The following SORCS3 variants were observed in gnomAD, a reference collection of about 807,000 sequenced individuals.
SORCS3 encodes the protein VPS10 domain-containing receptor SorCS3.
A neutral mutation model predicts 146.3 loss-of-function variants in SORCS3; 57 were observed. The ratio of observed to expected loss-of-function variants is 0.39; its 90% CI spans 0.31 to 0.49. The LOEUF (loss-of-function observed/expected upper bound fraction) is 0.49, where lower values mean the gene tolerates loss of function less well. Among genes scored for constraint, SORCS3 ranks in the 20% least tolerant of loss-of-function variants. SORCS3 has a pLI of 0.92. For missense variants in SORCS3, 1,341 were observed against 1,575.5 expected (o/e 0.85, Z 2.52); for synonymous variants, 653 against 618.5 (o/e 1.06, Z -0.83).
At chr10:105,222,762 G>A (rs2119669956) in intron 19 of SORCS3, among the ~76,000 whole-genome samples, 1 of 152,302 alleles carries the variant, frequency 6.6e-6, no homozygotes, top group Middle Eastern at 3.4e-3. Flanking sequence ...TCACAATACA[G>A]GCTAATCATC....
intron 1 of SORCS3, among the ~76,000 whole-genome samples, chr10:104,764,976 GA>G (rs2017162817): frequency 6.6e-6 from 1 of 152,168 alleles, no homozygotes; most frequent in Non-Finnish European, 1.5e-5. Context: ...TGCTGTGATG[GA>G]TCAGTGATGT....
At chr10:104,952,831 G>T (rs1420107553) in intron 3 of SORCS3, among the ~76,000 whole-genome samples, 1 of 152,186 alleles carries the variant, frequency 6.6e-6, no homozygotes, top group African/African-American at 2.4e-5. Context: ...AATGGGAATT[G>T]TTGCCCATTA....
intron 20 of SORCS3, among the ~76,000 whole-genome samples, chr10:105,243,526 T>C (rs957969071): frequency 3.3e-5 from 5 of 152,184 alleles, no homozygotes; most frequent in East Asian, 3.9e-4. Context: ...TTGGATTTTA[T>C]ATGCATGTCA....
rs575474514 is a variant in SORCS3 at position 105,019,843 on chromosome 10, GAATA to G, written c.955-23205_955-23202del. On this transcript the variant is annotated intron_variant, in intron 4 of 26. Transcript: ENST00000369701. Reference sequence around the variant, plus strand: ...GCATTTGTTAAATGAGTGAATAAGTGAATAAATAAAGAAAATGTAATTATTGCTG... The same window carrying G: ...GCATTTGTTAAATGAGTGAATAAGTGAATAAAGAAAATGTAATTATTGCTG... 2.6e-3 allele frequency among the ~76,000 whole-genome samples: 391 copies of G among 152,252 alleles called. 3 individuals are homozygous for G. The highest frequency in any genetic ancestry group is 8.8e-3 in the African/African-American group (365 of 41,534).
At chr10:104,975,678 A>T (rs2054892257) in intron 3 of SORCS3, among the ~76,000 whole-genome samples, 2 of 152,242 alleles carry the variant, frequency 1.3e-5, no homozygotes, top group African/African-American at 4.8e-5. Context: ...AGGCTACAGT[A>T]ACCAAAACAA....
At chr10:105,241,050 T>C (rs867142983) in intron 20 of SORCS3, among the ~76,000 whole-genome samples, 2 of 152,172 alleles carry the variant, frequency 1.3e-5, no homozygotes. Context: ...TATTTTGGGC[T>C]GCTATGAATA....
At chr10:104,651,642 G>C (rs1243573272) in intron 1 of SORCS3, among the ~76,000 whole-genome samples, 3 of 151,992 alleles carry the variant, frequency 2.0e-5, no homozygotes, top group Non-Finnish European at 4.4e-5. Flanking sequence ...GGAGGCAGGG[G>C]TTGCAGTGAG....
chr10:104,691,996 G>GTT (rs892450621), intron 1 of SORCS3, among the ~76,000 whole-genome samples: 2 of 151,250 alleles, frequency 1.3e-5, no homozygotes, highest in Non-Finnish European at 3.0e-5. Flanking sequence ...ACAAGGGTCT[G>GTT]TTTTTTTTTA....
intron 14 of SORCS3, among the ~76,000 whole-genome samples, chr10:105,180,655 CAT>C (rs2056437387): frequency 6.6e-6 from 1 of 152,140 alleles, no homozygotes; most frequent in Non-Finnish European, 1.5e-5. Flanking sequence ...AGTCTAAACT[CAT>C]AGAATGGCCT....
intron 20 of SORCS3, among the ~76,000 whole-genome samples, chr10:105,244,837 G>A (rs2056856181): frequency 6.6e-6 from 1 of 152,066 alleles, no homozygotes; most frequent in Non-Finnish European, 1.5e-5. Flanking sequence ...GGGAGACTGA[G>A]GTGGGTGGAT....
chr10:104,897,674 A>G (rs556413636), intron 2 of SORCS3, among the ~76,000 whole-genome samples: 5 of 152,366 alleles, frequency 3.3e-5, no homozygotes, highest in Admixed American at 1.3e-4. Context: ...GAGGAATTTT[A>G]GAGATCAATG....
intron 1 of SORCS3, among the ~76,000 whole-genome samples, chr10:104,807,535 GAA>G (rs2017692819): frequency 6.6e-6 from 1 of 152,214 alleles, no homozygotes; most frequent in African/African-American, 2.4e-5. Flanking sequence ...ATTGGAAGAA[GAA>G]AAGAGATGAG....
intron 3 of SORCS3, among the ~76,000 whole-genome samples, chr10:104,969,253 G>A (rs1390941553): frequency 6.6e-6 from 1 of 151,740 alleles, no homozygotes; most frequent in Non-Finnish European, 1.5e-5. Flanking sequence ...AAATTGAGAT[G>A]AGTGAAGCTG....
chr10:105,240,801 C>G (rs2056817400), intron 20 of SORCS3, among the ~76,000 whole-genome samples: 1 of 151,994 alleles, frequency 6.6e-6, no homozygotes, highest in African/African-American at 2.4e-5. Flanking sequence ...AATCTCCAGC[C>G]CAGTCCCCCT....
Position 104,977,475 on chromosome 10 carries a change from C to T in SORCS3, c.936C>T (p.Ala312=). Residue 312 remains alanine (A), a synonymous_variant, in exon 4 of 27, where the codon GCC becomes GCT. Transcript: ENST00000369701. ...CCAAGCAAGAGGACTGGGTGCTGGC[C>T]TACAGTTTGGATCAAAAGGTGAATA... ...FHPKQEDWVL[A]YSLDQKLYSS... 1 of 1,609,258 alleles carries T rather than the reference C, an allele frequency of 6.2e-7. No individual in the cohort carries two copies. The highest frequency in any genetic ancestry group is 1.1e-5 in the South Asian group (1 of 90,392).
At chr10:104,897,930 A>G (rs1443360851) in intron 2 of SORCS3, among the ~76,000 whole-genome samples, 1 of 152,214 alleles carries the variant, frequency 6.6e-6, no homozygotes, top group African/African-American at 2.4e-5. Context: ...CACTTAGTCC[A>G]GCTCATTCAT....
intron 1 of SORCS3, among the ~76,000 whole-genome samples, chr10:104,804,997 G>T (rs181957086): frequency 6.6e-6 from 1 of 152,132 alleles, no homozygotes; most frequent in East Asian, 1.9e-4. Flanking sequence ...GAAGACAAAC[G>T]ATGAGTGTCA....
intron 3 of SORCS3, among the ~76,000 whole-genome samples, chr10:104,957,844 G>T (rs74155078): frequency 0.014 from 2,168 of 152,058 alleles, 47 homozygotes; most frequent in African/African-American, 0.049. Flanking sequence ...TGCTACCTTG[G>T]TCCCCTCCTC....
chr10:104,711,663 C>G (rs1301557004), intron 1 of SORCS3, among the ~76,000 whole-genome samples: 1 of 152,216 alleles, frequency 6.6e-6, no homozygotes, highest in East Asian at 1.9e-4. Context: ...GTGGCCCCTC[C>G]TCTGCCTTGC....
Sources: allele counts gnomAD v4.1 joint callset (sites outside exome capture counted in the v4.1 genomes callset), GRCh38; gene constraint gnomAD v4.1.1; transcripts MANE v1.5; gene names NCBI Gene and HGNC (gene_info 2026-07-23, HGNC 2026-07-21).